The following TMTC1 variants were observed in gnomAD, a reference collection of about 807,000 sequenced individuals.
TMTC1 encodes the protein transmembrane O-mannosyltransferase targeting cadherins 1, also known as protein O-mannosyl-transferase TMTC1.
Under a neutral mutation model 104.8 loss-of-function variants are expected in TMTC1, and 73 were observed. The ratio of observed to expected loss-of-function variants is 0.70; its 90% CI spans 0.58 to 0.85. The LOEUF is 0.85. Among genes scored for constraint, TMTC1 ranks in the 40% least tolerant of loss-of-function variants. TMTC1 has a pLI of 0.00. For synonymous variants in TMTC1, 434 were observed against 428.7 expected, an observed-to-expected ratio of 1.01 and a Z score of -0.15; for missense variants, 1,035 against 1,096.1, an observed-to-expected ratio of 0.94 and a Z score of 0.79.
intron 7 of TMTC1, among the ~76,000 whole-genome samples, chr12:29,601,792 C>T (rs974053033): frequency 6.6e-5 from 10 of 151,664 alleles, no homozygotes; most frequent in African/African-American, 2.2e-4. Context: ...TATTTATTGA[C>T]CATATATAAT....
At chr12:29,738,410 T>C (rs1435309192) in intron 5 of TMTC1, among the ~76,000 whole-genome samples, 4 of 152,218 alleles carry the variant, frequency 2.6e-5, no homozygotes, top group African/African-American at 9.6e-5. Flanking sequence ...ATTGAAGCTC[T>C]AAAACTAAGA....
chr12:29,712,917 G>T (rs1941969189), intron 5 of TMTC1, among the ~76,000 whole-genome samples: 1 of 152,104 alleles, frequency 6.6e-6, no homozygotes, highest in Non-Finnish European at 1.5e-5. Context: ...GTGCCAATTT[G>T]TCTAGGCTAC....
At chr12:29,563,698 C>T (rs1222598008) in intron 9 of TMTC1, among the ~76,000 whole-genome samples, 2 of 152,074 alleles carry the variant, frequency 1.3e-5, no homozygotes, top group Non-Finnish European at 2.9e-5. Flanking sequence ...GCCCTGTGAT[C>T]GAGATTTTAT....
chr12:29,623,085 A>G (rs1937760369), intron 6 of TMTC1, among the ~76,000 whole-genome samples: 1 of 152,240 alleles, frequency 6.6e-6, no homozygotes, highest in Admixed American at 6.5e-5. Flanking sequence ...AAACAGTTCA[A>G]CTAGAGATGG....
intron 1 of TMTC1, among the ~76,000 whole-genome samples, chr12:29,776,721 A>C (rs1329149048): frequency 1.1e-5 from 1 of 92,942 alleles, no homozygotes; most frequent in Non-Finnish European, 2.4e-5. Context: ...TAAGGAAATA[A>C]GGGTAAAAAA....
chr12:29,664,227 A>AAAAAT lies in TMTC1; in HGVS notation c.939-30896_939-30892dup, dbSNP rs1555184184. 2.7e-4 allele frequency among the ~76,000 whole-genome samples: 41 copies of AAAAAT among 151,318 alleles called. 1 individual carries two copies. In the South Asian group the frequency reaches 7.5e-3, roughly 28 times the overall value. ...AAAAATAAAAAAATAAAAAAATAAAAAAAATAAAATAAAATAAAATGTAGC... is the reference window on the plus strand; with the variant it reads ...AAAAATAAAAAAATAAAAAAATAAAAAAAATAAAATAAAATAAAATAAAATGTAGC... On this transcript the variant is annotated intron_variant, in intron 5 of 17. Transcript: ENST00000539277.
intron 11 of TMTC1, among the ~76,000 whole-genome samples, chr12:29,527,422 G>A (rs922577392): frequency 1.3e-5 from 2 of 152,192 alleles, no homozygotes; most frequent in East Asian, 1.9e-4. Flanking sequence ...GTAGCTGTGG[G>A]AGGAGAAGCA....
chr12:29,640,600 G>A (rs1037221484), intron 5 of TMTC1: 1 of 152,220 alleles, frequency 6.6e-6, no homozygotes, highest in African/African-American at 2.4e-5. Context: ...GAAATACTGG[G>A]GTAGAGGAAG....
At chr12:29,655,871 G>A (rs960823011) in intron 5 of TMTC1, among the ~76,000 whole-genome samples, 3 of 152,072 alleles carry the variant, frequency 2.0e-5, no homozygotes, top group South Asian at 2.1e-4. Context: ...AAGCTAAACT[G>A]AAAACTCTCA....
intron 5 of TMTC1, among the ~76,000 whole-genome samples, chr12:29,639,328 A>G (rs978772593): frequency 6.6e-6 from 1 of 152,190 alleles, no homozygotes; most frequent in Non-Finnish European, 1.5e-5. Context: ...GTAGGTGGAG[A>G]GATGGGAGAT....
intron 5 of TMTC1, among the ~76,000 whole-genome samples, chr12:29,751,306 A>G (rs1013282862): frequency 6.6e-6 from 1 of 152,164 alleles, no homozygotes; most frequent in African/African-American, 2.4e-5. Context: ...TAATAAATTC[A>G]GATCAAACAC....
At chr12:29,767,135 T>C (rs1268448049) in intron 2 of TMTC1, among the ~76,000 whole-genome samples, 1 of 151,988 alleles carries the variant, frequency 6.6e-6, no homozygotes, top group Non-Finnish European at 1.5e-5. Flanking sequence ...GTAATTTTAG[T>C]AGACATGGGG....
At chr12:29,583,007 T>G (rs1659165164) in intron 8 of TMTC1, among the ~76,000 whole-genome samples, 1 of 152,222 alleles carries the variant, frequency 6.6e-6, no homozygotes, top group Non-Finnish European at 1.5e-5. Flanking sequence ...TCACAGCGTA[T>G]CATGCTGGAA....
chr12:29,670,465 A>G (rs1412206285), intron 5 of TMTC1, among the ~76,000 whole-genome samples: 1 of 152,236 alleles, frequency 6.6e-6, no homozygotes, highest in Non-Finnish European at 1.5e-5. Flanking sequence ...TTCCACAGGT[A>G]GTAAGACAGG....
intron 7 of TMTC1, 46 bp from the exon 8 acceptor site, chr12:29,583,620 A>T: frequency 1.3e-6 from 2 of 1,551,678 alleles, no homozygotes; most frequent in Non-Finnish European, 1.8e-6. Flanking sequence ...GGGGTGCAAT[A>T]GCTTCCCCCC....
chr12:29,729,169 A>G (rs1942483095), intron 5 of TMTC1, among the ~76,000 whole-genome samples: 1 of 151,712 alleles, frequency 6.6e-6, no homozygotes, highest in Non-Finnish European at 1.5e-5. Flanking sequence ...TTCCCTCTGT[A>G]AAATCATCAC....
chr12:29,734,657 C>T (rs116021879), intron 5 of TMTC1, among the ~76,000 whole-genome samples: 5,715 of 152,224 alleles, frequency 0.038, 167 homozygotes, highest in African/African-American at 0.077. Flanking sequence ...CATGCCTTTC[C>T]TATTGGGCTG....
chr12:29,630,966 G>T (rs1938265289), intron 6 of TMTC1, among the ~76,000 whole-genome samples: 1 of 152,110 alleles, frequency 6.6e-6, no homozygotes, highest in Non-Finnish European at 1.5e-5. Context: ...AGAGTATAAT[G>T]GTATCTCTTT....
chr12:29,698,743 C>T (rs1941497062), intron 5 of TMTC1, among the ~76,000 whole-genome samples: 4 of 152,164 alleles, frequency 2.6e-5, no homozygotes, highest in Non-Finnish European at 5.9e-5. Context: ...CAATATCTCA[C>T]AAGTCTTGCC....
Sources: gnomAD v4.1 joint callset for allele counts (sites outside exome capture counted in the v4.1 genomes callset) on GRCh38, gnomAD v4.1.1 for gene constraint, MANE v1.5 for transcripts, NCBI Gene and HGNC (gene_info 2026-07-23, HGNC 2026-07-21) for gene names.